The following THADA variants were observed in gnomAD, a reference collection of about 807,000 sequenced individuals.
THADA encodes the protein THADA armadillo repeat containing, also known as tRNA (32-2'-O)-methyltransferase regulator THADA.
In THADA, 213 loss-of-function variants were observed where a neutral mutation model predicts 219.8. The ratio of observed to expected loss-of-function variants is 0.97; its 90% CI spans 0.87 to 1.09. THADA has a LOEUF of 1.09. Among genes scored for constraint, THADA ranks in the 50% least tolerant of loss-of-function variants. The pLI is 0.00. For missense variants in THADA, 2,956 were observed against 2,311.3 expected, an observed-to-expected ratio of 1.28 and a Z score of -5.72; for synonymous variants, 1,018 against 828.9, an observed-to-expected ratio of 1.23 and a Z score of -3.92.
chr2:43,514,881 G>GTATAA (rs1488991016), intron 22 of THADA, among the ~76,000 whole-genome samples: 1 of 58,434 alleles, frequency 1.7e-5, no homozygotes, highest in African/African-American at 9.3e-5. Flanking sequence ...TGTATAATAT[G>GTATAA]TATAATATAT....
At chr2:43,594,547 G>A (rs1701939135) in intron 1 of THADA, among the ~76,000 whole-genome samples, 1 of 152,030 alleles carries the variant, frequency 6.6e-6, no homozygotes, top group South Asian at 2.1e-4. Context: ...TCGTGCCACT[G>A]CACTCCAGCC....
chr2:43,514,073 A>T (rs533187876), intron 22 of THADA, among the ~76,000 whole-genome samples: 26 of 152,012 alleles, frequency 1.7e-4, no homozygotes, highest in South Asian at 4.2e-4. Context: ...AAAAAAAAAA[A>T]AATAAAGAAC....
chr2:43,252,785 C>T (rs183336839), intron 36 of THADA, among the ~76,000 whole-genome samples: 1 of 152,344 alleles, frequency 6.6e-6, no homozygotes, highest in Admixed American at 6.5e-5. Context: ...CAAACCCAAT[C>T]TACTGTTCTA....
intron 26 of THADA, among the ~76,000 whole-genome samples, chr2:43,432,374 G>A (rs537444094): frequency 3.3e-5 from 5 of 151,508 alleles, no homozygotes; most frequent in African/African-American, 1.2e-4. Flanking sequence ...CAATAGTCTG[G>A]TTCTTTTTCT....
chr2:43,313,014 A>T (rs558071940), intron 31 of THADA, among the ~76,000 whole-genome samples: 7 of 152,360 alleles, frequency 4.6e-5, no homozygotes, highest in African/African-American at 1.7e-4. Context: ...GTTTGTTTTC[A>T]TTCTCTGTAA....
intron 26 of THADA, among the ~76,000 whole-genome samples, chr2:43,455,757 T>C (rs1474478899): frequency 6.6e-6 from 1 of 152,218 alleles, no homozygotes; most frequent in Non-Finnish European, 1.5e-5. Context: ...TATGTAAATC[T>C]GAAAAACATC....
chr2:43,454,464 T>C (rs185579004), intron 26 of THADA, among the ~76,000 whole-genome samples: 1 of 152,106 alleles, frequency 6.6e-6, no homozygotes, highest in East Asian at 1.9e-4. Flanking sequence ...CAGCCAGGTG[T>C]GTTGGTGTGA....
rs565800160 is a variant in THADA at position 43,326,783 on chromosome 2, C to T, written c.4344-6243G>A. On this transcript the variant is annotated intron_variant, in intron 30 of 37. Coordinates refer to ENST00000405975, the MANE Select transcript of THADA (RefSeq NM_022065.5). ...TCACACTGGACAGCTGGGGTCCCCA[C>T]TCAATATTGTGAAGCCTTGGTGGGC... is the stretch of plus-strand genomic sequence containing the variant. Among the ~76,000 whole-genome samples, 18 of 152,270 alleles carry T rather than the reference C, an allele frequency of 1.2e-4. 1 individual carries two copies. The South Asian group carries it at 2.1e-3, about 18-fold the overall frequency.
At chr2:43,495,911 G>C (rs1688221385) in intron 25 of THADA, among the ~76,000 whole-genome samples, 1 of 152,192 alleles carries the variant, frequency 6.6e-6, no homozygotes, top group Non-Finnish European at 1.5e-5. Flanking sequence ...CTCAAGAGTA[G>C]TTATGCAATG....
chr2:43,296,217 A>G (rs555086405), intron 31 of THADA, among the ~76,000 whole-genome samples: 31 of 150,338 alleles, frequency 2.1e-4, no homozygotes, highest in Non-Finnish European at 4.3e-4. Flanking sequence ...GTGCCCGGCC[A>G]TACCGCTACT....
At chr2:43,279,973 G>T in intron 35 of THADA, 77 bp from the exon 36 acceptor site, 5 of 1,338,932 alleles carry the variant, frequency 3.7e-6, no homozygotes, top group Non-Finnish European at 3.9e-6. Flanking sequence ...CAAATCCCTG[G>T]TGGAAGAGAG....
At chr2:43,475,556 T>C (rs1290011638) in intron 26 of THADA, among the ~76,000 whole-genome samples, 1 of 151,996 alleles carries the variant, frequency 6.6e-6, no homozygotes, top group African/African-American at 2.4e-5. Context: ...TAAAAAACAA[T>C]GTTAACATTC....
chr2:43,575,627 C>G (rs1699773394), intron 10 of THADA, among the ~76,000 whole-genome samples: 1 of 152,128 alleles, frequency 6.6e-6, no homozygotes, highest in South Asian at 2.1e-4. Flanking sequence ...ACCCCTGCCT[C>G]CCAGGTTCAA....
Position 43,425,446 on chromosome 2 carries a change from ATGTGTGTG to A in THADA, c.4058+2646_4058+2653del, listed in dbSNP as rs70963396. Among the ~76,000 whole-genome samples, 600 of 140,496 alleles carry A rather than the reference ATGTGTGTG, an allele frequency of 4.3e-3. 3 individuals are homozygous for A. The highest frequency in any genetic ancestry group is 7.1e-3 in the Admixed American group (99 of 13,974). 92.2% of individuals were successfully genotyped at this position (140,496 alleles called of 152,430 possible). A position where few individuals can be genotyped will look rare whatever the true frequency, so the allele number is the denominator to read the frequency against. On this transcript the variant is annotated intron_variant, in intron 28 of 37. Coordinates refer to ENST00000405975, the MANE Select transcript of THADA (RefSeq NM_022065.5). ...CTACTGTCTAGCTTGTTAAAATTGT[ATGTGTGTG>A]TGTGTGTGTGTGTGTGTGTGTGTGT...
intron 29 of THADA, among the ~76,000 whole-genome samples, chr2:43,377,672 A>C (rs1671535839): frequency 6.6e-6 from 1 of 152,142 alleles, no homozygotes; most frequent in African/African-American, 2.4e-5. Flanking sequence ...AGCAATCAAA[A>C]TTTCAGGTTT....
intron 7 of THADA, among the ~76,000 whole-genome samples, chr2:43,586,053 C>T (rs1700989184): frequency 6.6e-6 from 1 of 152,004 alleles, no homozygotes; most frequent in Admixed American, 6.6e-5. Context: ...TTACTTCAGT[C>T]CAGTAGTTTA....
chr2:43,266,649 G>A (rs1158402709), intron 36 of THADA, among the ~76,000 whole-genome samples: 3 of 152,100 alleles, frequency 2.0e-5, no homozygotes, highest in Admixed American at 6.5e-5. Flanking sequence ...CTGTGATGGA[G>A]GCCTCAGCCC....
chr2:43,299,958 G>A (rs369354367), intron 31 of THADA, among the ~76,000 whole-genome samples: 1 of 149,820 alleles, frequency 6.7e-6, no homozygotes, highest in Non-Finnish European at 1.5e-5. Flanking sequence ...AACCTGTGAC[G>A]CGGAGGTAGC....
intron 35 of THADA, 68 bp from the exon 36 acceptor site, chr2:43,279,964 A>T (rs1383234095): frequency 2.9e-6 from 4 of 1,386,198 alleles, no homozygotes; most frequent in African/African-American, 1.5e-5. Context: ...ATACTGCTTC[A>T]AATCCCTGGT....
Sources: allele counts gnomAD v4.1 joint callset (sites outside exome capture counted in the v4.1 genomes callset), GRCh38; gene constraint gnomAD v4.1.1; transcripts MANE v1.5; gene names NCBI Gene and HGNC (gene_info 2026-07-23, HGNC 2026-07-21).